CAMKMT: variants seen among roughly 807,000 people sequenced by gnomAD.
CAMKMT encodes the protein calmodulin-lysine N-methyltransferase, also known as CaM KMT.
Under a neutral mutation model 48.0 loss-of-function variants are expected in CAMKMT, and 53 were observed. That is an observed-to-expected ratio of 1.10 (90% CI 0.89 to 1.39). The LOEUF (loss-of-function observed/expected upper bound fraction) is 1.39. CAMKMT is among the 40% of genes most tolerant of loss of function. The probability of loss-of-function intolerance (pLI) is 0.00; values close to 1 mark genes in which losing one functional copy is unlikely to be tolerated. For missense variants in CAMKMT, 428 were observed against 402.7 expected (o/e 1.06, Z -0.54); for synonymous variants, 165 against 152.3 (o/e 1.08, Z -0.61).
chr2:44,364,523 T>C (rs796890595), intron 1 of CAMKMT, among the ~76,000 whole-genome samples: 10 of 152,290 alleles, frequency 6.6e-5, no homozygotes, highest in African/African-American at 2.4e-4. Flanking sequence ...GTTTTATTAA[T>C]TTACATCCTC....
At chr2:44,417,238 A>C (rs914443258) in intron 3 of CAMKMT, among the ~76,000 whole-genome samples, 2 of 151,712 alleles carry the variant, frequency 1.3e-5, no homozygotes, top group Non-Finnish European at 2.9e-5. Flanking sequence ...CTAAAAATAC[A>C]AAAAAAATTA....
intron 3 of CAMKMT, among the ~76,000 whole-genome samples, chr2:44,465,424 C>T (rs1668059811): frequency 1.3e-5 from 2 of 152,146 alleles, no homozygotes; most frequent in Admixed American, 1.3e-4. Context: ...ATGGTGAAAC[C>T]CCGTCTCTAC....
At chr2:44,730,112 A>G (rs189400250) in intron 7 of CAMKMT, among the ~76,000 whole-genome samples, 1 of 152,332 alleles carries the variant, frequency 6.6e-6, no homozygotes, top group African/African-American at 2.4e-5. Context: ...TATCAGATAG[A>G]TAGCCTCAGG....
At chr2:44,502,299 C>T (rs917095894) in intron 3 of CAMKMT, among the ~76,000 whole-genome samples, 12 of 87,684 alleles carry the variant, frequency 1.4e-4, no homozygotes, top group African/African-American at 4.3e-4. Context: ...TTGTATCTCT[C>T]CCCTAAACCC....
intron 3 of CAMKMT, among the ~76,000 whole-genome samples, chr2:44,518,013 A>G (rs1352391838): frequency 2.0e-5 from 3 of 152,060 alleles, no homozygotes; most frequent in South Asian, 2.1e-4. Flanking sequence ...CTACCTACCC[A>G]TCTTGGCTCT....
chr2:44,422,585 C>T (rs1174661430), intron 3 of CAMKMT, among the ~76,000 whole-genome samples: 2 of 152,178 alleles, frequency 1.3e-5, no homozygotes, highest in African/African-American at 2.4e-5. Context: ...TCTGCTGTTG[C>T]TGCTGCAAAT....
chr2:44,769,127 T>TAA lies in CAMKMT; in HGVS notation c.894+2581_894+2582dup, dbSNP rs200150530. On this transcript the variant is annotated intron_variant, in intron 10 of 10. Transcript: ENST00000378494. ...TTAGTTACTTGGCAGTAGTGCAAGG[T>TAA]AAAAAAAAAAAAAAAATCTACAGAT... 4.8e-3 allele frequency among the ~76,000 whole-genome samples: 642 copies of TAA among 134,126 alleles called. 3 individuals are homozygous for TAA. Among genetic ancestry groups the TAA allele is most frequent in the African/African-American group, 0.016 (591 of 36,226 alleles). 88.0% of individuals were successfully genotyped at this position (134,126 alleles called of 152,430 possible).
intron 3 of CAMKMT, among the ~76,000 whole-genome samples, chr2:44,486,851 G>A (rs1669241314): frequency 6.6e-6 from 1 of 152,218 alleles, no homozygotes; most frequent in South Asian, 2.1e-4. Flanking sequence ...GACATTGTCT[G>A]TGTTGTTTAT....
chr2:44,682,110 C>T (rs1676050389), intron 3 of CAMKMT, among the ~76,000 whole-genome samples: 2 of 152,166 alleles, frequency 1.3e-5, no homozygotes, highest in Admixed American at 1.3e-4. Context: ...TAATAGAGGG[C>T]TTCCCTTTAA....
chr2:44,421,544 A>C (rs1683937235), intron 3 of CAMKMT, among the ~76,000 whole-genome samples: 1 of 152,220 alleles, frequency 6.6e-6, no homozygotes, highest in East Asian at 1.9e-4. Flanking sequence ...CAAAATGAAG[A>C]AAATAATTGA....
At chr2:44,381,740 G>A (rs1390012948) in intron 2 of CAMKMT, among the ~76,000 whole-genome samples, 4 of 152,124 alleles carry the variant, frequency 2.6e-5, no homozygotes, top group African/African-American at 9.7e-5. Flanking sequence ...ATATGGACAA[G>A]TGCTTTCAGT....
chr2:44,436,059 C>A (rs1666226544), intron 3 of CAMKMT, among the ~76,000 whole-genome samples: 1 of 59,324 alleles, frequency 1.7e-5, no homozygotes, highest in East Asian at 3.6e-4. Context: ...ATCTAGGAAT[C>A]AAACCAATTC....
chr2:44,757,275 A>G (rs1324004524), intron 9 of CAMKMT, among the ~76,000 whole-genome samples: 1 of 152,176 alleles, frequency 6.6e-6, no homozygotes, highest in African/African-American at 2.4e-5. Flanking sequence ...CTCTTGCTCC[A>G]TTATCCCCAA....
intron 3 of CAMKMT, among the ~76,000 whole-genome samples, chr2:44,692,815 A>C (rs1466346761): frequency 6.6e-6 from 1 of 152,184 alleles, no homozygotes; most frequent in Non-Finnish European, 1.5e-5. Context: ...GAAAGGATAA[A>C]TTACTTTCTA....
At position 44,657,187 on chromosome 2, in the gene CAMKMT, G is replaced by A. The variant is rs1360844689; in HGVS notation, c.377-47096G>A. 6.6e-6 allele frequency among the ~76,000 whole-genome samples: 1 copy of A among 152,140 alleles called. No individual in the cohort carries two copies. The highest frequency in any genetic ancestry group is 1.5e-5 in the Non-Finnish European group (1 of 68,034). The stretch of plus-strand genomic sequence containing the variant: ...GAGAGCCATATGAAGGCCATCCCGT[G>A]GAGAGGTCAGGACCTCTCAGAGTTG... On this transcript the variant is annotated intron_variant, in intron 3 of 10. Transcript: ENST00000378494. The surrounding 1 kb of genome is among the most constrained non-coding windows in gnomAD (Gnocchi z 4.3).
chr2:44,380,346 T>A (rs1418016059), intron 2 of CAMKMT, among the ~76,000 whole-genome samples: 1 of 152,040 alleles, frequency 6.6e-6, no homozygotes, highest in Non-Finnish European at 1.5e-5. Context: ...ACTCTGAGTA[T>A]GTTGGCAAAA....
At chr2:44,541,381 C>T (rs1005985757) in intron 3 of CAMKMT, among the ~76,000 whole-genome samples, 3 of 152,084 alleles carry the variant, frequency 2.0e-5, no homozygotes, top group Admixed American at 1.3e-4. Context: ...TTTCAGAAGT[C>T]TTTAAAAATT....
chr2:44,725,409 A>C (rs1678726819), intron 7 of CAMKMT, among the ~76,000 whole-genome samples: 1 of 152,112 alleles, frequency 6.6e-6, no homozygotes, highest in Non-Finnish European at 1.5e-5. Context: ...GATTAAGGTG[A>C]GGTTTCTGCC....
intron 3 of CAMKMT, among the ~76,000 whole-genome samples, chr2:44,578,159 T>C (rs1309820951): frequency 2.0e-5 from 3 of 152,212 alleles, no homozygotes; most frequent in African/African-American, 7.2e-5. Flanking sequence ...TCTCATTACC[T>C]ACACGTTATA....
Sources: allele counts gnomAD v4.1 joint callset (sites outside exome capture counted in the v4.1 genomes callset), GRCh38; gene constraint gnomAD v4.1.1; non-coding constraint Gnocchi (gnomAD v3.1); transcripts MANE v1.5; gene names NCBI Gene and HGNC (gene_info 2026-07-23, HGNC 2026-07-21).